The following RP1 variants were observed in gnomAD, a reference collection of about 807,000 sequenced individuals.
The protein encoded by RP1 is RP1 axonemal microtubule associated.
RP1 carries 16 observed loss-of-function variants against 14.8 expected under a neutral mutation model. The observed-to-expected ratio is 1.08, with a 90% CI of 0.73 to 1.65. RP1 has a LOEUF of 1.65. RP1 is among the 40% of genes most tolerant of loss of function. RP1 has a pLI of 0.00. For synonymous variants in RP1, 876 were observed against 883.6 expected (o/e 0.99, Z 0.15); for missense variants, 2,631 against 2,535.0 (o/e 1.04, Z -0.81).
chr8:54,803,048 C>G (rs948081694), intron 24 of RP1, among the ~76,000 whole-genome samples: 1 of 151,900 alleles, frequency 6.6e-6, no homozygotes, highest in Non-Finnish European at 1.5e-5. Flanking sequence ...ATGTAAAATT[C>G]TCAAACTCAG....
chr8:54,866,233 T>TG (rs752517135), intron 28 of RP1, among the ~76,000 whole-genome samples: 63 of 152,312 alleles, frequency 4.1e-4, no homozygotes, highest in Non-Finnish European at 8.8e-4. Flanking sequence ...ACTGTGAACT[T>TG]GGGTACCACT....
Position 54,706,380 on chromosome 8 carries a change from C to T in RP1, c.1999-63C>T, listed in dbSNP as rs185198295. ...GTAAGAGAATTGCCTCTATAGTTGT[C>T]TCCCTCTAGCAAAACACGAGCCCGT... On this transcript the variant is annotated intron_variant, in intron 14 of 22. Transcript: ENST00000636932. The T allele has an allele frequency of 3.4e-6, 5 of 1,482,320 alleles. No individual in the cohort carries two copies. In the East Asian group the frequency reaches 9.9e-5, roughly 29 times the overall value. The allele number at this position is 1,482,320 out of a possible 1,614,324, so 91.8% of individuals were successfully genotyped here.
At chr8:54,645,311 A>G (rs892040122) in intron 3 of RP1, among the ~76,000 whole-genome samples, 8 of 152,236 alleles carry the variant, frequency 5.3e-5, no homozygotes, top group African/African-American at 1.7e-4. Context: ...AACTGTTTCC[A>G]AAGTATTATG....
chr8:54,595,943 T>C (rs2129302609), intron 1 of RP1, among the ~76,000 whole-genome samples: 1 of 152,348 alleles, frequency 6.6e-6, no homozygotes, highest in South Asian at 2.1e-4. Flanking sequence ...CATTCTTTCA[T>C]TTAGCAAATA....
chr8:54,675,362 A>G (rs1486360050), intron 8 of RP1, among the ~76,000 whole-genome samples: 1 of 152,290 alleles, frequency 6.6e-6, no homozygotes, highest in Non-Finnish European at 1.5e-5. Flanking sequence ...TTGCATATAA[A>G]TAGATAAAGT....
At chr8:54,650,937 C>T (rs916332612) in intron 4 of RP1, among the ~76,000 whole-genome samples, 2 of 151,490 alleles carry the variant, frequency 1.3e-5, no homozygotes, top group African/African-American at 2.4e-5. Flanking sequence ...TTATCATGTT[C>T]AGGAAGTTCT....
At chr8:54,747,936 T>C (rs1410202741) in intron 19 of RP1, among the ~76,000 whole-genome samples, 1 of 152,270 alleles carries the variant, frequency 6.6e-6, no homozygotes, top group African/African-American at 2.4e-5. Context: ...CTCTCTCCAA[T>C]GTCTGGGCTG....
intron 24 of RP1, among the ~76,000 whole-genome samples, chr8:54,818,996 G>A (rs1450819089): frequency 1.3e-5 from 2 of 152,042 alleles, no homozygotes; most frequent in Non-Finnish European, 2.9e-5. Context: ...GGGAAGAGGA[G>A]GGGGAGGTGA....
intron 24 of RP1, among the ~76,000 whole-genome samples, chr8:54,818,318 A>G (rs139648123): frequency 5.9e-5 from 9 of 152,364 alleles, no homozygotes; most frequent in African/African-American, 2.2e-4. Flanking sequence ...GCAAAAATGC[A>G]AACTGTAGCT....
intron 24 of RP1, among the ~76,000 whole-genome samples, chr8:54,796,599 G>T (rs778620092): frequency 9.2e-5 from 14 of 152,148 alleles, no homozygotes; most frequent in Non-Finnish European, 1.5e-4. Context: ...TTTAGTGACA[G>T]AGGCAGAGAT....
intron 27 of RP1, among the ~76,000 whole-genome samples, chr8:54,859,631 C>A (rs942212291): frequency 6.6e-6 from 1 of 151,712 alleles, no homozygotes; most frequent in Admixed American, 6.6e-5. Flanking sequence ...GGGGTGTTAC[C>A]GTAGATGAGT....
intron 19 of RP1, among the ~76,000 whole-genome samples, chr8:54,750,726 C>G (rs555395794): frequency 1.2e-4 from 6 of 51,054 alleles, no homozygotes; most frequent in Non-Finnish European, 1.9e-4. Context: ...AAAAACGCAC[C>G]AATCAGTGCT....
In RP1 at chr8:54,734,634, G is replaced by A. The variant is rs752523715; in HGVS notation, c.2611G>A (p.Ala871Thr). Residue 871 changes from alanine (A) to threonine (T), a missense_variant, in exon 18 of 23, where the codon GCC becomes ACC. Coordinates refer to the RP1 transcript ENST00000636932. The stretch of plus-strand genomic sequence containing the variant: ...GCTGACAGGAAATACAGGAACTCAA[G>A]CCAATGTCACTCTCTGGGTGTATGG... The A allele has an allele frequency of 2.6e-6, 4 of 1,535,820 alleles. No individual in the cohort carries two copies. In the South Asian group the frequency reaches 4.8e-5, roughly 18 times the overall value.
intron 1 of RP1, among the ~76,000 whole-genome samples, chr8:54,597,939 C>T (rs1805186001): frequency 6.6e-6 from 1 of 151,978 alleles, no homozygotes; most frequent in African/African-American, 2.4e-5. Flanking sequence ...TAACCACCAC[C>T]ACAAGAAAGA....
chr8:54,711,892 G>T (rs1425052217), intron 15 of RP1, among the ~76,000 whole-genome samples: 5 of 152,046 alleles, frequency 3.3e-5, no homozygotes, highest in Non-Finnish European at 5.9e-5. Flanking sequence ...TAGCTCAGGA[G>T]GCTTAAGAAA....
intron 5 of RP1, among the ~76,000 whole-genome samples, chr8:54,655,487 A>T (rs1806736377): frequency 6.6e-6 from 1 of 151,468 alleles, no homozygotes; most frequent in African/African-American, 2.4e-5. Flanking sequence ...GTTCATTGCT[A>T]AGGATCCAAA....
intron 8 of RP1, among the ~76,000 whole-genome samples, chr8:54,675,512 T>G (rs1351800879): frequency 2.6e-5 from 4 of 152,194 alleles, no homozygotes; most frequent in Non-Finnish European, 5.9e-5. Flanking sequence ...GGAAGCACTT[T>G]CATTTCAAAA....
At chr8:54,644,205 G>GA (rs1806502638) in intron 3 of RP1, among the ~76,000 whole-genome samples, 1 of 151,818 alleles carries the variant, frequency 6.6e-6, no homozygotes, top group South Asian at 2.1e-4. Context: ...AAACTGAAAG[G>GA]AAAAAAGGGG....
intron 25 of RP1, among the ~76,000 whole-genome samples, chr8:54,846,894 G>C (rs1484734952): frequency 1.3e-5 from 2 of 152,186 alleles, no homozygotes; most frequent in Non-Finnish European, 2.9e-5. Flanking sequence ...TCACACCACA[G>C]CTCTGGTTTC....
Sources: allele counts gnomAD v4.1 joint callset (sites outside exome capture counted in the v4.1 genomes callset), GRCh38; gene constraint gnomAD v4.1.1; transcripts MANE v1.5; gene names NCBI Gene and HGNC (gene_info 2026-07-23, HGNC 2026-07-21).